Variants in KCNK9 observed in about 807,000 individuals in gnomAD.
KCNK9 encodes the protein potassium two pore domain channel subfamily K member 9.
KCNK9 carries 1 observed loss-of-function variant against 10.8 expected under a neutral mutation model. That is an observed-to-expected ratio of 0.09 (90% CI 0.03 to 0.44). The LOEUF (loss-of-function observed/expected upper bound fraction) is 0.44. Ranked by LOEUF, KCNK9 falls within the 20% of genes least tolerant of loss-of-function variation. The pLI, the probability that KCNK9 is intolerant of heterozygous loss-of-function variation, is 0.97. For missense variants in KCNK9, 303 were observed against 515.0 expected (o/e 0.59, Z 3.98); for synonymous variants, 231 against 222.7 (o/e 1.04, Z -0.33).
chr8:139,665,700 G>A (rs1816281341), intron 1 of KCNK9, among the ~76,000 whole-genome samples: 1 of 152,302 alleles, frequency 6.6e-6, no homozygotes, highest in South Asian at 2.1e-4. Flanking sequence ...AAAATGAGGT[G>A]GCCGTGCACA....
chr8:139,620,299 T>C (rs548008397), intron 1 of KCNK9, among the ~76,000 whole-genome samples: 19 of 152,358 alleles, frequency 1.2e-4, no homozygotes, highest in African/African-American at 4.3e-4. Flanking sequence ...CCCATCAAGA[T>C]AGATTTCCCT....
At chr8:139,697,567 T>C (rs893404246) in intron 1 of KCNK9, among the ~76,000 whole-genome samples, 4 of 151,832 alleles carry the variant, frequency 2.6e-5, no homozygotes, top group Admixed American at 1.3e-4. Context: ...GAGGTGTGAA[T>C]AACCGCTGCA....
chr8:139,650,181 T>G (rs3780048), intron 1 of KCNK9, among the ~76,000 whole-genome samples: 1 of 152,170 alleles, frequency 6.6e-6, no homozygotes, highest in Non-Finnish European at 1.5e-5. Context: ...GAAGAGCATC[T>G]GGAGTGGATT....
At chr8:139,637,233 C>T (rs936661349) in intron 1 of KCNK9, among the ~76,000 whole-genome samples, 7 of 152,310 alleles carry the variant, frequency 4.6e-5, no homozygotes, top group East Asian at 1.9e-4. Flanking sequence ...ACCTGCATGT[C>T]GGAGTGCTGA....
chr8:139,687,543 T>TATATTCATATATATGTATACAC (rs1816833809), intron 1 of KCNK9, among the ~76,000 whole-genome samples: 1 of 132,108 alleles, frequency 7.6e-6, no homozygotes, highest in Non-Finnish European at 1.6e-5. Context: ...TGTATACACA[T>TATATTCATATATATGTATACAC]ATATTCATAT....
chr8:139,652,766 T>C (rs1815906902), intron 1 of KCNK9, among the ~76,000 whole-genome samples: 2 of 152,330 alleles, frequency 1.3e-5, no homozygotes, highest in Admixed American at 1.3e-4. Context: ...CCAAACGCTG[T>C]CAGCTACTGG....
intron 1 of KCNK9, among the ~76,000 whole-genome samples, chr8:139,659,254 GA>G (rs534418837): frequency 9.5e-4 from 145 of 152,218 alleles, no homozygotes; most frequent in African/African-American, 3.3e-3. Context: ...CTGGAGTCCT[GA>G]CCCCCTGAGA....
At chr8:139,671,259 T>G (rs3780037) in intron 1 of KCNK9, among the ~76,000 whole-genome samples, 107,075 of 152,094 alleles carry the variant, frequency 0.7, 38,099 homozygotes, top group Non-Finnish European at 0.75. Context: ...CCCCTTTCTT[T>G]CCTGGCTCAG....
At chr8:139,657,385 C>T (rs1418129562) in intron 1 of KCNK9, among the ~76,000 whole-genome samples, 1 of 152,150 alleles carries the variant, frequency 6.6e-6, no homozygotes, top group African/African-American at 2.4e-5. Context: ...AAGCTGCTTC[C>T]ACCCTTAGGC....
intron 1 of KCNK9, among the ~76,000 whole-genome samples, chr8:139,666,658 A>G (rs1816309111): frequency 6.6e-6 from 1 of 152,268 alleles, no homozygotes; most frequent in South Asian, 2.1e-4. Flanking sequence ...AGCACTGTGC[A>G]TACAGCAGGT....
At chr8:139,622,361 T>C (rs1218808585) in intron 1 of KCNK9, among the ~76,000 whole-genome samples, 1 of 152,126 alleles carries the variant, frequency 6.6e-6, no homozygotes, top group Non-Finnish European at 1.5e-5. Context: ...ACTGTCCTAT[T>C]TAGGCGTTCC....
At chr8:139,644,717 C>CT (rs377763686) in intron 1 of KCNK9, among the ~76,000 whole-genome samples, 9 of 112,472 alleles carry the variant, frequency 8.0e-5, no homozygotes, top group Non-Finnish European at 1.3e-4. Flanking sequence ...CTGCCCTGTC[C>CT]CCCCCCCCCA....
Position 139,618,342 on chromosome 8 carries a change from G to T in KCNK9, c.1041C>A (p.Phe347Leu). 1 of 1,614,156 alleles carries T rather than the reference G, an allele frequency of 6.2e-7. No homozygotes were observed. The highest frequency in any genetic ancestry group is 8.5e-7 in the Non-Finnish European group (1 of 1,180,024). The change falls in exon 2 of 2, where the codon TTC becomes TTA. Residue 347 changes from phenylalanine (F) to leucine (L), a missense_variant. Physicochemically the swap from Phe to Leu is conservative, Grantham distance 22 (BLOSUM62 0). Transcript: ENST00000520439. This position sits in a 1 kb window ranked among gnomAD's most constrained non-coding sequence, Gnocchi z 7.9. ...ISPSTLKNSL[F>L]PSPISSISPG... ...GAGAGATGGAGCTAATAGGCGATGG[G>T]AAGAGGCTGTTTTTTAATGTGCTTG...
At chr8:139,638,988 C>T (rs974085959) in intron 1 of KCNK9, among the ~76,000 whole-genome samples, 1 of 152,180 alleles carries the variant, frequency 6.6e-6, no homozygotes, top group Non-Finnish European at 1.5e-5. Context: ...CATTCTCGTG[C>T]CTTTTTCCTA....
chr8:139,616,869 T>TAAGA (rs1345844873), downstream of KCNK9: 1 of 151,898 alleles, frequency 6.6e-6, no homozygotes, highest in Non-Finnish European at 1.5e-5. Flanking sequence ...CCTGTTACTG[T>TAAGA]AAGAGCCTCC....
At chr8:139,694,501 G>A (rs1182772632) in intron 1 of KCNK9, among the ~76,000 whole-genome samples, 3 of 152,226 alleles carry the variant, frequency 2.0e-5, no homozygotes, top group Non-Finnish European at 4.4e-5. Flanking sequence ...GGCATCCCAG[G>A]TCTGCCTGCT....
chr8:139,623,982 C>T (rs1446423672), intron 1 of KCNK9, among the ~76,000 whole-genome samples: 1 of 152,168 alleles, frequency 6.6e-6, no homozygotes, highest in African/African-American at 2.4e-5. Flanking sequence ...TGCCAACCCA[C>T]AACCGCCCCG....
intron 1 of KCNK9, among the ~76,000 whole-genome samples, chr8:139,657,901 G>A (rs952740566): frequency 2.6e-5 from 4 of 152,298 alleles, no homozygotes; most frequent in East Asian, 3.9e-4. Context: ...GAACATGGCT[G>A]GCCCCTGCTC....
chr8:139,679,615 T>C (rs932305198), intron 1 of KCNK9, among the ~76,000 whole-genome samples: 1 of 152,182 alleles, frequency 6.6e-6, no homozygotes, highest in Non-Finnish European at 1.5e-5. Context: ...TCAACTTGTT[T>C]GCTGGATGGA....
Sources: gnomAD v4.1 joint callset for allele counts (sites outside exome capture counted in the v4.1 genomes callset) on GRCh38, gnomAD v4.1.1 for gene constraint, Gnocchi (gnomAD v3.1) non-coding constraint, MANE v1.5 for transcripts, NCBI Gene and HGNC (gene_info 2026-07-23, HGNC 2026-07-21) for gene names.